Variants in PTPRT observed in about 807,000 individuals in gnomAD.
The protein encoded by PTPRT is protein tyrosine phosphatase receptor type T.
PTPRT carries 56 observed loss-of-function variants against 176.8 expected under a neutral mutation model. That is an observed-to-expected ratio of 0.32 (90% CI 0.26 to 0.40). The LOEUF is 0.40. PTPRT is among the 10% of genes least tolerant of loss of function. The pLI, the probability that PTPRT is intolerant of heterozygous loss-of-function variation, is 1.00. For synonymous variants in PTPRT, 783 were observed against 739.0 expected (o/e 1.06, Z -0.96); for missense variants, 1,540 against 1,908.2 (o/e 0.81, Z 3.60).
chr20:42,571,843 A>G (rs2073160333), intron 7 of PTPRT, among the ~76,000 whole-genome samples: 1 of 152,136 alleles, frequency 6.6e-6, no homozygotes, highest in Admixed American at 6.5e-5. Context: ...CCCTGGAAAG[A>G]ATGCCCCAGC....
At chr20:42,413,186 C>A (rs1228049618) in intron 9 of PTPRT, among the ~76,000 whole-genome samples, 1 of 151,930 alleles carries the variant, frequency 6.6e-6, no homozygotes. Context: ...TCCAAGAAAC[C>A]ACAAATGAAC....
intron 7 of PTPRT, among the ~76,000 whole-genome samples, chr20:42,652,493 G>A (rs1398902612): frequency 6.6e-6 from 1 of 152,128 alleles, no homozygotes; most frequent in Non-Finnish European, 1.5e-5. Flanking sequence ...TGGCTCTCTG[G>A]ATTCTTTCTG....
chr20:42,518,518 T>C (rs1157564666), intron 7 of PTPRT, among the ~76,000 whole-genome samples: 1 of 152,148 alleles, frequency 6.6e-6, no homozygotes, highest in Non-Finnish European at 1.5e-5. Context: ...TCTTGAAAGT[T>C]ATCCATTTCA....
intron 6 of PTPRT, among the ~76,000 whole-genome samples, chr20:42,697,245 G>T (rs2075894403): frequency 6.6e-6 from 1 of 152,192 alleles, no homozygotes; most frequent in African/African-American, 2.4e-5. Context: ...AGAAGATGTG[G>T]CTGAATCTGT....
At chr20:42,170,054 T>A (rs926261271) in intron 16 of PTPRT, among the ~76,000 whole-genome samples, 4 of 152,190 alleles carry the variant, frequency 2.6e-5, no homozygotes, top group Non-Finnish European at 5.9e-5. Flanking sequence ...GACAATCCAG[T>A]GGCCCGTCTC....
chr20:42,954,046 G>T (rs990481183), intron 1 of PTPRT, among the ~76,000 whole-genome samples: 7 of 152,104 alleles, frequency 4.6e-5, no homozygotes, highest in Admixed American at 2.0e-4. Flanking sequence ...GGGGAGGAGG[G>T]ACTCTAAGAC....
intron 12 of PTPRT, among the ~76,000 whole-genome samples, chr20:42,311,078 A>G (rs1024925346): frequency 6.6e-6 from 1 of 152,158 alleles, no homozygotes; most frequent in African/African-American, 2.4e-5. Flanking sequence ...TGACTTCCAC[A>G]TTCCTAATGT....
chr20:42,747,260 G>T (rs1445789079), intron 6 of PTPRT, among the ~76,000 whole-genome samples: 1 of 152,154 alleles, frequency 6.6e-6, no homozygotes, highest in African/African-American at 2.4e-5. Context: ...ATGGTGAGGG[G>T]TCTCGTCACA....
intron 7 of PTPRT, among the ~76,000 whole-genome samples, chr20:42,668,675 C>T (rs542039888): frequency 6.7e-6 from 1 of 150,234 alleles, no homozygotes; most frequent in Admixed American, 6.6e-5. Flanking sequence ...CTCACAGGTG[C>T]TTGTCCGTCT....
intron 9 of PTPRT, among the ~76,000 whole-genome samples, chr20:42,439,870 C>G (rs2059296465): frequency 6.6e-6 from 1 of 152,114 alleles, no homozygotes; most frequent in South Asian, 2.1e-4. Context: ...ATTTATTTAT[C>G]TATACATTGT....
intron 17 of PTPRT, among the ~76,000 whole-genome samples, chr20:42,148,831 C>G (rs1020695328): frequency 6.6e-6 from 1 of 152,186 alleles, no homozygotes; most frequent in African/African-American, 2.4e-5. Flanking sequence ...TTAATATGAG[C>G]GGCCTGATTC....
intron 1 of PTPRT, among the ~76,000 whole-genome samples, chr20:43,101,724 G>T (rs917535199): frequency 6.6e-6 from 1 of 152,100 alleles, no homozygotes; most frequent in Non-Finnish European, 1.5e-5. Flanking sequence ...AAGAGTTCTG[G>T]GTCTGATTAT....
At chr20:42,374,379 C>A (rs1483259039) in intron 9 of PTPRT, among the ~76,000 whole-genome samples, 1 of 152,168 alleles carries the variant, frequency 6.6e-6, no homozygotes, top group Non-Finnish European at 1.5e-5. Context: ...GTTGTTTGAT[C>A]TCTGGTCTGG....
intron 8 of PTPRT, among the ~76,000 whole-genome samples, chr20:42,469,518 C>T (rs2071157499): frequency 6.6e-6 from 1 of 152,086 alleles, no homozygotes; most frequent in South Asian, 2.1e-4. Flanking sequence ...TTCCATTTTA[C>T]AGATGAGGAA....
At chr20:42,596,332 C>T (rs1029637136) in intron 7 of PTPRT, among the ~76,000 whole-genome samples, 8 of 152,178 alleles carry the variant, frequency 5.3e-5, no homozygotes, top group African/African-American at 1.7e-4. Context: ...GCTCAGATCC[C>T]TCCATCTTTG....
chr20:42,536,637 A>G (rs1420957950), intron 7 of PTPRT, among the ~76,000 whole-genome samples: 1 of 152,214 alleles, frequency 6.6e-6, no homozygotes, highest in Non-Finnish European at 1.5e-5. Flanking sequence ...GGATTGTCTC[A>G]AGATTAAATA....
chr20:42,167,689 C>T (rs551038338), intron 16 of PTPRT, among the ~76,000 whole-genome samples: 2 of 152,288 alleles, frequency 1.3e-5, no homozygotes, highest in East Asian at 3.9e-4. Context: ...GTCACCTGCA[C>T]AGAGTGGGGA....
At chr20:42,269,802 G>A (rs1322598709) in intron 13 of PTPRT, among the ~76,000 whole-genome samples, 2 of 152,330 alleles carry the variant, frequency 1.3e-5, no homozygotes, top group Admixed American at 6.5e-5. Flanking sequence ...TATTTAACAG[G>A]TAGGAAAAGT....
chr20:42,663,975 A>G (rs1298525133), intron 7 of PTPRT, among the ~76,000 whole-genome samples: 1 of 152,214 alleles, frequency 6.6e-6, no homozygotes, highest in African/African-American at 2.4e-5. Flanking sequence ...ATTTTGCTAG[A>G]AAAAAAATTA....
Sources: gnomAD v4.1 joint callset for allele counts (sites outside exome capture counted in the v4.1 genomes callset) on GRCh38, gnomAD v4.1.1 for gene constraint, MANE v1.5 for transcripts, NCBI Gene and HGNC (gene_info 2026-07-23, HGNC 2026-07-21) for gene names.